Variants in FAM184B observed in about 807,000 individuals in gnomAD.
The protein encoded by FAM184B is family with sequence similarity 184 member B, also known as protein FAM184B.
In FAM184B, 111 loss-of-function variants were observed where a neutral mutation model predicts 135.9. That is an observed-to-expected ratio of 0.82 (90% CI 0.70 to 0.96). The LOEUF is 0.96. Among genes scored for constraint, FAM184B ranks in the 40% least tolerant of loss-of-function variants. The probability of loss-of-function intolerance (pLI) is 0.00; values close to 1 mark genes in which losing one functional copy is unlikely to be tolerated. For missense variants in FAM184B, 1,375 were observed against 1,323.9 expected (o/e 1.04, Z -0.60); for synonymous variants, 552 against 524.8 (o/e 1.05, Z -0.71).
At chr4:17,723,858 G>A (rs1577277537) in intron 1 of FAM184B, among the ~76,000 whole-genome samples, 1 of 152,136 alleles carries the variant, frequency 6.6e-6, no homozygotes, top group Non-Finnish European at 1.5e-5. Context: ...TTCTGAAAGC[G>A]TAGCGTGCCT....
chr4:17,714,651 C>T (rs189445386), intron 1 of FAM184B, among the ~76,000 whole-genome samples: 1 of 152,180 alleles, frequency 6.6e-6, no homozygotes, highest in African/African-American at 2.4e-5. Context: ...TAGCCATGCT[C>T]GGGGCTATGA....
chr4:17,729,323 G>A (rs1405363507), intron 1 of FAM184B, among the ~76,000 whole-genome samples: 9 of 152,320 alleles, frequency 5.9e-5, no homozygotes, highest in South Asian at 2.1e-4. Flanking sequence ...CTCTGGGGGC[G>A]GGGCACAGAC....
At position 17,641,994 on chromosome 4, in the gene FAM184B, A is replaced by G. The variant is rs1431713175; in HGVS notation, c.2519+62T>C. On this transcript the variant is annotated intron_variant, in intron 13 of 17. Transcript: ENST00000265018. Reference sequence around the variant, plus strand: ...AGGCTCAGCCAGCCGCAGTAGGGGGAGGGGGGGTGGCGGGGTAGGGGGTGA... The same window carrying G: ...AGGCTCAGCCAGCCGCAGTAGGGGGGGGGGGGGTGGCGGGGTAGGGGGTGA... 869 of 933,364 alleles carry G rather than the reference A, an allele frequency of 9.3e-4. 2 individuals are homozygous for G. The African/African-American group carries it at 0.039, about 42-fold the overall frequency. The allele number at this position is 933,364 out of a possible 1,614,324, so 57.8% of individuals were successfully genotyped here. A position where few individuals can be genotyped will look rare whatever the true frequency, so the allele number is the denominator to read the frequency against.
intron 14 of FAM184B, among the ~76,000 whole-genome samples, chr4:17,637,327 C>G (rs989580889): frequency 2.0e-5 from 3 of 152,208 alleles, no homozygotes; most frequent in African/African-American, 7.2e-5. Context: ...GCGCCCGGCC[C>G]CCACTGCTTT....
chr4:17,771,819 G>A (rs725805), intron 1 of FAM184B, among the ~76,000 whole-genome samples: 57,675 of 152,102 alleles, frequency 0.38, 12,865 homozygotes, highest in Non-Finnish European at 0.51. Context: ...AGTTCCTCCA[G>A]TTCAGAAAGG....
chr4:17,649,449 T>G (rs997125222), intron 11 of FAM184B, among the ~76,000 whole-genome samples: 1 of 152,016 alleles, frequency 6.6e-6, no homozygotes, highest in Non-Finnish European at 1.5e-5. Flanking sequence ...CCAGGCGTGG[T>G]GGCAGGTGCC....
chr4:17,686,039 C>CA (rs760328519), intron 7 of FAM184B, among the ~76,000 whole-genome samples: 25 of 152,162 alleles, frequency 1.6e-4, no homozygotes, highest in Non-Finnish European at 3.2e-4. Context: ...TTAATCTCAT[C>CA]AAGAAGGATA....
At chr4:17,656,120 G>T (rs191158178) in intron 10 of FAM184B, among the ~76,000 whole-genome samples, 36 of 152,184 alleles carry the variant, frequency 2.4e-4, no homozygotes, top group Admixed American at 1.4e-3. Context: ...ACCCCCTAGA[G>T]CCCCTGGAAC....
intron 15 of FAM184B, among the ~76,000 whole-genome samples, chr4:17,635,852 C>A (rs1715108655): frequency 6.6e-6 from 1 of 152,082 alleles, no homozygotes. Context: ...TGGGTTCTTT[C>A]CAAGGGGCTT....
At chr4:17,666,469 CTTTT>C (rs386399397) in intron 7 of FAM184B, among the ~76,000 whole-genome samples, 6 of 57,162 alleles carry the variant, frequency 1.0e-4, no homozygotes, top group Non-Finnish European at 1.5e-4. Flanking sequence ...GTGCCTGGTT[CTTTT>C]TTTTTTTTTT....
At chr4:17,765,460 A>T (rs903138979) in intron 1 of FAM184B, among the ~76,000 whole-genome samples, 2 of 152,208 alleles carry the variant, frequency 1.3e-5, no homozygotes, top group Non-Finnish European at 2.9e-5. Flanking sequence ...GGATCAACAA[A>T]GGTGGCTCAC....
At chr4:17,715,424 G>A (rs1293993426) in intron 1 of FAM184B, among the ~76,000 whole-genome samples, 1 of 151,940 alleles carries the variant, frequency 6.6e-6, no homozygotes, top group Admixed American at 6.6e-5. Flanking sequence ...GCAGTGAGCC[G>A]AGACTGCGCC....
intron 6 of FAM184B, among the ~76,000 whole-genome samples, chr4:17,690,579 G>A (rs1475973278): frequency 6.6e-6 from 1 of 152,220 alleles, no homozygotes; most frequent in Non-Finnish European, 1.5e-5. Context: ...CAACATTGCA[G>A]GGGAACAGCA....
At chr4:17,765,488 A>C (rs1718648683) in intron 1 of FAM184B, among the ~76,000 whole-genome samples, 1 of 152,154 alleles carries the variant, frequency 6.6e-6, no homozygotes, top group African/African-American at 2.4e-5. Context: ...GATTATCTCA[A>C]CCTAACTTTC....
At chr4:17,656,865 T>C (rs1334563024) in intron 10 of FAM184B, among the ~76,000 whole-genome samples, 1 of 152,190 alleles carries the variant, frequency 6.6e-6, no homozygotes, top group Non-Finnish European at 1.5e-5. Context: ...AACTCCTTGT[T>C]TCTTGTTGTA....
chr4:17,756,597 A>G (rs1718426796), intron 1 of FAM184B, among the ~76,000 whole-genome samples: 1 of 152,222 alleles, frequency 6.6e-6, no homozygotes, highest in Non-Finnish European at 1.5e-5. Context: ...GTTGATGAGC[A>G]GAAGTTTCTC....
chr4:17,732,664 T>C (rs1717809404), intron 1 of FAM184B, among the ~76,000 whole-genome samples: 1 of 152,102 alleles, frequency 6.6e-6, no homozygotes, highest in South Asian at 2.1e-4. Flanking sequence ...AATAGACCAA[T>C]AACAGTCTCT....
At chr4:17,751,306 CAAA>C (rs71167334) in intron 1 of FAM184B, among the ~76,000 whole-genome samples, 1,736 of 91,738 alleles carry the variant, frequency 0.019, 20 homozygotes, top group Non-Finnish European at 0.025. Context: ...GACTCTGTCT[CAAA>C]AAAAAAAAAA....
At position 17,652,961 on chromosome 4, in the gene FAM184B, T is replaced by G; in HGVS notation, c.2060A>C (p.Lys687Thr). 1 of 1,551,710 alleles carries G rather than the reference T, an allele frequency of 6.4e-7. No homozygotes were observed. The highest frequency in any genetic ancestry group is 8.7e-7 in the Non-Finnish European group (1 of 1,146,974). Residue 687 changes from lysine to threonine, a missense_variant, in exon 11 of 18, where the codon AAG becomes ACG. By Grantham distance (78) the Lys-to-Thr change is moderately conservative. Coordinates refer to ENST00000265018, the MANE Select transcript of FAM184B (RefSeq NM_015688.2). ...ELKATEERLK[K>T]ESSHSLQIQH... ...GATCTGGAGGCTGTGGCTGGATTCC[T>G]TCTTCAAGCGTTCCTCTGTGGCCTG...
Sources: allele counts gnomAD v4.1 joint callset (sites outside exome capture counted in the v4.1 genomes callset), GRCh38; gene constraint gnomAD v4.1.1; transcripts MANE v1.5; gene names NCBI Gene and HGNC (gene_info 2026-07-23, HGNC 2026-07-21).